The following TMEM230 variants were observed in gnomAD, a reference collection of about 807,000 sequenced individuals.
The protein encoded by TMEM230 is UPF0414 transmembrane protein C20orf30.
Under a neutral mutation model 15.8 loss-of-function variants are expected in TMEM230, and 10 were observed. The ratio of observed to expected loss-of-function variants is 0.63; its 90% CI spans 0.39 to 1.07. The LOEUF is 1.07. TMEM230 is among the 50% of genes least tolerant of loss of function. The pLI is 0.01. For synonymous variants in TMEM230, 67 were observed against 76.9 expected (o/e 0.87, Z 0.68); for missense variants, 165 against 193.3 (o/e 0.85, Z 0.87).
the TMEM230 span, among the ~76,000 whole-genome samples, chr20:5,060,799 A>G: frequency 1.3e-5 from 2 of 152,082 alleles, no homozygotes; most frequent in Admixed American, 6.6e-5. Flanking sequence ...TGAGTTTTCA[A>G]CTTGGGGCTA....
At chr20:5,072,337 T>G (rs2088853366) in intron 3 of TMEM230, among the ~76,000 whole-genome samples, 1 of 152,108 alleles carries the variant, frequency 6.6e-6, no homozygotes, top group Admixed American at 6.5e-5. Flanking sequence ...CAAACAAGCA[T>G]GAGCCTCCAT....
At chr20:5,098,321 A>G (rs1389298276), downstream of TMEM230, 2 of 152,132 alleles carry the variant, frequency 1.3e-5, no homozygotes, top group Non-Finnish European at 2.9e-5. Flanking sequence ...TAATGAAAGT[A>G]TTTGGCAGAA....
chr20:5,059,274 AC>A, the TMEM230 span, among the ~76,000 whole-genome samples: 1 of 151,144 alleles, frequency 6.6e-6, no homozygotes, highest in African/African-American at 2.4e-5. Context: ...TCATTCAGAT[AC>A]CCCAACCCCA....
chr20:5,084,739 G>A (rs2089286794), intron 3 of TMEM230, among the ~76,000 whole-genome samples: 1 of 151,986 alleles, frequency 6.6e-6, no homozygotes, highest in Admixed American at 6.6e-5. Context: ...TCACCATGTT[G>A]GCCAGGCCAG....
At chr20:5,082,274 TC>T (rs1018905789) in intron 3 of TMEM230, among the ~76,000 whole-genome samples, 11 of 151,632 alleles carry the variant, frequency 7.3e-5, no homozygotes, top group Non-Finnish European at 5.9e-5. Flanking sequence ...AGGGTCTTGC[TC>T]TGTTGCCCAG....
rs147441227 is a variant in TMEM230 at position 5,077,797 on chromosome 20, G to A, written c.223-8448C>T. On this transcript the variant is annotated intron_variant, in intron 3 of 3. Transcript: ENST00000612323. ...TGCAGTGAGCTGAGATTGCAACAGCGCACTCCAACCTGGGCAAGAGAGCAA... is the reference window on the plus strand; with the variant it reads ...TGCAGTGAGCTGAGATTGCAACAGCACACTCCAACCTGGGCAAGAGAGCAA... Among the ~76,000 whole-genome samples the A allele has an allele frequency of 4.9e-3, 744 of 151,826 alleles. 4 individuals carry two copies. Among genetic ancestry groups the A allele is most frequent in the Non-Finnish European group, 9.0e-3 (609 of 67,982 alleles).
chr20:5,063,440 A>G (rs1296540443), downstream of TMEM230, among the ~76,000 whole-genome samples: 7 of 151,758 alleles, frequency 4.6e-5, no homozygotes, highest in African/African-American at 1.7e-4. Flanking sequence ...GGGGTGCACC[A>G]CCGCACCTGG....
chr20:5,072,861 A>G (rs1475502614), intron 3 of TMEM230, among the ~76,000 whole-genome samples: 1 of 151,302 alleles, frequency 6.6e-6, no homozygotes, highest in East Asian at 1.9e-4. Context: ...AAAAAAAAAA[A>G]AAAAAAAAAA....
chr20:5,085,876 G>A (rs878947605), intron 3 of TMEM230, among the ~76,000 whole-genome samples: 4 of 152,002 alleles, frequency 2.6e-5, no homozygotes, highest in Admixed American at 2.0e-4. Context: ...AAGGCCCCTC[G>A]TGTTACAACC....
chr20:5,112,560 C>T (rs537950441), intron 1 of TMEM230, among the ~76,000 whole-genome samples: 2 of 152,262 alleles, frequency 1.3e-5, no homozygotes, highest in Admixed American at 1.3e-4. Context: ...TTCTAAAAGA[C>T]GGGAAAAATA....
chr20:5,072,508 C>T (rs1183004318), intron 3 of TMEM230, among the ~76,000 whole-genome samples: 1 of 151,220 alleles, frequency 6.6e-6, no homozygotes, highest in African/African-American at 2.5e-5. Context: ...GTGTTTTTTT[C>T]CTTTTTGGCC....
downstream of TMEM230, among the ~76,000 whole-genome samples, chr20:5,067,047 G>A (rs1400612232): frequency 1.3e-5 from 2 of 152,170 alleles, no homozygotes; most frequent in Non-Finnish European, 2.9e-5. Context: ...TAGTGGAGAA[G>A]TGAGAAACGG....
At chr20:5,101,550 A>T (rs1302611592) in intron 4 of TMEM230, among the ~76,000 whole-genome samples, 1 of 151,810 alleles carries the variant, frequency 6.6e-6, no homozygotes, top group Non-Finnish European at 1.5e-5. Flanking sequence ...GCCTCCAAGT[A>T]GCTGGAGTTA....
chr20:5,092,019 C>T (rs2122660882), intron 3 of TMEM230, among the ~76,000 whole-genome samples: 1 of 152,276 alleles, frequency 6.6e-6, no homozygotes, highest in South Asian at 2.1e-4. Context: ...GTTTTGGTGA[C>T]CTGGGACTTG....
At position 5,113,052 on chromosome 20, in the gene TMEM230, T is replaced by G. The variant is rs1319128205; in HGVS notation, c.-24A>C. On this transcript the variant is annotated 5_prime_UTR_variant, in exon 1 of 5. Transcript: ENST00000342308. ...ATGGCATGGCCCGCTTAAGTGCCAC[T>G]CAGCCGGCCCCAGGCGGGATCAGTG... The G allele has an allele frequency of 1.9e-6, 3 of 1,543,104 alleles. No homozygotes were observed. In the African/African-American group the frequency reaches 4.1e-5, roughly 21 times the overall value.
At chr20:5,074,824 TTA>T (rs773410902) in intron 3 of TMEM230, among the ~76,000 whole-genome samples, 152 of 152,238 alleles carry the variant, frequency 1.0e-3, no homozygotes, top group Non-Finnish European at 1.9e-3. Context: ...AAAAAAAATT[TTA>T]TTTTTATTAC....
In TMEM230 at chr20:5,100,816, T is replaced by A; in HGVS notation, c.527A>T (p.Asp176Val). 6.2e-7 allele frequency: 1 copy of A among 1,613,858 alleles called. No homozygotes were observed. Among genetic ancestry groups the A allele is most frequent in the South Asian group, 1.1e-5 (1 of 91,068 alleles). ...CTAGTCATCAAAGTCTGGAATGTCA[T>A]CATAGGAGTAACCACGGTAGCCTTT... The change falls in exon 5 of 5, where the codon GAT becomes GTT. Residue 176 changes from aspartate to valine, a missense_variant. Transcript: ENST00000342308.
intron 3 of TMEM230, among the ~76,000 whole-genome samples, chr20:5,070,583 A>G (rs1331309876): frequency 6.6e-6 from 1 of 152,200 alleles, no homozygotes; most frequent in African/African-American, 2.4e-5. Flanking sequence ...CATATTCCTG[A>G]TCCAGATGCG....
chr20:5,099,270 T>C (rs907559683), downstream of TMEM230, among the ~76,000 whole-genome samples: 1 of 151,954 alleles, frequency 6.6e-6, no homozygotes, highest in Non-Finnish European at 1.5e-5. Context: ...AACCAAATCA[T>C]TTGGTTGGCC....
Sources: allele counts gnomAD v4.1 joint callset (sites outside exome capture counted in the v4.1 genomes callset), GRCh38; gene constraint gnomAD v4.1.1; transcripts MANE v1.5; gene names NCBI Gene and HGNC (gene_info 2026-07-23, HGNC 2026-07-21).